USP40: variants seen among roughly 807,000 people sequenced by gnomAD.
The protein encoded by USP40 is ubiquitin specific peptidase 40.
Under a neutral mutation model 166.2 loss-of-function variants are expected in USP40, and 143 were observed. The ratio of observed to expected loss-of-function variants is 0.86; its 90% confidence interval spans 0.75 to 0.99. The LOEUF is 0.99. Ranked by LOEUF, USP40 falls within the 50% of genes least tolerant of loss-of-function variation. USP40 has a pLI of 0.00. For synonymous variants in USP40, 498 were observed against 524.0 expected (o/e 0.95, Z 0.68); for missense variants, 1,444 against 1,479.7 (o/e 0.98, Z 0.40).
chr2:233,494,955 T>TAATAAA (rs1559224337), intron 24 of USP40, among the ~76,000 whole-genome samples: 1 of 25,076 alleles, frequency 4.0e-5, no homozygotes, highest in African/African-American at 2.8e-4. Flanking sequence ...TATATATATA[T>TAATAAA]TTATATATAT....
intron 21 of USP40, among the ~76,000 whole-genome samples, chr2:233,502,986 G>A (rs2066180685): frequency 6.6e-6 from 1 of 152,162 alleles, no homozygotes; most frequent in African/African-American, 2.4e-5. Context: ...AAGGAAAGAT[G>A]ATATTCTGAA....
intron 19 of USP40, 141 bp from the exon 20 acceptor site, chr2:233,511,938 A>T (rs2066871160): frequency 1.6e-6 from 1 of 626,332 alleles, no homozygotes; most frequent in Admixed American, 3.2e-5. Context: ...CAAAAGGATT[A>T]CATGCACTAA....
chr2:233,518,237 C>G (rs1430086505), intron 18 of USP40, among the ~76,000 whole-genome samples: 2 of 85,718 alleles, frequency 2.3e-5, no homozygotes, highest in African/African-American at 4.9e-5. Context: ...CAAAACCAAA[C>G]CAGTAACAGA....
intron 6 of USP40, among the ~76,000 whole-genome samples, chr2:233,552,877 T>C (rs979843343): frequency 5.3e-5 from 8 of 152,234 alleles, no homozygotes; most frequent in Non-Finnish European, 1.2e-4. Flanking sequence ...ATAGGAATAG[T>C]GCTATCATAA....
At chr2:233,496,032 T>C (rs1288595901) in intron 24 of USP40, among the ~76,000 whole-genome samples, 1 of 152,236 alleles carries the variant, frequency 6.6e-6, no homozygotes, top group African/African-American at 2.4e-5. Context: ...ATGTTTTTCT[T>C]AGAAGGATAC....
intron 1 of USP40, among the ~76,000 whole-genome samples, chr2:233,566,108 C>T (rs910038376): frequency 1.2e-4 from 17 of 138,924 alleles, no homozygotes; most frequent in African/African-American, 4.2e-4. Flanking sequence ...TTTTAGAGCA[C>T]TTTAGTACAG....
At position 233,493,650 on chromosome 2, in the gene USP40, T is replaced by C. The variant is rs76073270; in HGVS notation, c.2791-99A>G. The C allele has an allele frequency of 2.2e-3, 2,871 of 1,288,214 alleles. 49 individuals carry two copies. In the African/African-American group the frequency reaches 0.036, roughly 16 times the overall value. The allele number at this position is 1,288,214 out of a possible 1,614,324, so 79.8% of individuals were successfully genotyped here. On this transcript the variant is annotated intron_variant, in intron 24 of 31. Transcript: ENST00000678225. The surrounding 1 kb of genome is among the most constrained non-coding windows in gnomAD (Gnocchi z 4.7). ...GAAACACCTTGATGACCTAAGATGT[T>C]CTTGAACTTATCATTTTTCCTTTTA...
At chr2:233,511,954 G>T in intron 19 of USP40, 157 bp from the exon 20 acceptor site, 2 of 572,716 alleles carry the variant, frequency 3.5e-6, no homozygotes, top group Non-Finnish European at 6.0e-6. Context: ...ACTAAGATTA[G>T]GTTTGATTTT....
At position 233,515,724 on chromosome 2, in the gene USP40, G is replaced by A. The variant is rs547891943; in HGVS notation, c.2384-3102C>T. On this transcript the variant is annotated intron_variant, in intron 18 of 31. Transcript: ENST00000678225. ...ATTAGGCTTTTCTTCCATGGTTTGT[G>A]CTTTTTGAGTCCTATCTTTAATACA... Among the ~76,000 whole-genome samples, 51 of 152,192 alleles carry A rather than the reference G, an allele frequency of 3.4e-4. No homozygotes were observed. In the South Asian group the frequency reaches 0.01, roughly 30 times the overall value.
intron 10 of USP40, among the ~76,000 whole-genome samples, chr2:233,534,548 T>G (rs7578898): frequency 0.79 from 120,387 of 152,074 alleles, 47,735 homozygotes; most frequent in East Asian, 0.87. Flanking sequence ...CTAATTTTTC[T>G]CTTGGAAAGA....
chr2:233,488,325 A>G (rs1158960484), intron 27 of USP40, 21 bp from the exon 28 acceptor site: 8 of 1,564,264 alleles, frequency 5.1e-6, no homozygotes, highest in East Asian at 2.3e-5. Context: ...GTGAAACAAG[A>G]TAATATTGAG....
At chr2:233,519,932 T>C (rs1020905058) in intron 17 of USP40, among the ~76,000 whole-genome samples, 1 of 152,110 alleles carries the variant, frequency 6.6e-6, no homozygotes, top group African/African-American at 2.4e-5. Flanking sequence ...ACAGAAACTG[T>C]AGAAAACTAC....
intron 2 of USP40, among the ~76,000 whole-genome samples, chr2:233,564,916 C>T (rs1244564243): frequency 1.3e-5 from 2 of 152,028 alleles, no homozygotes; most frequent in Non-Finnish European, 2.9e-5. Context: ...TTCAGAAATG[C>T]GTATGAACAA....
chr2:233,551,997 T>G (rs2070611241), intron 6 of USP40, among the ~76,000 whole-genome samples: 2 of 152,124 alleles, frequency 1.3e-5, no homozygotes, highest in South Asian at 4.1e-4. Context: ...TTCATGAGAC[T>G]TGCAAAAGGC....
intron 11 of USP40, among the ~76,000 whole-genome samples, chr2:233,532,581 T>G (rs1437221056): frequency 1.3e-5 from 2 of 152,192 alleles, no homozygotes; most frequent in African/African-American, 4.8e-5. Context: ...ATCTCTGCTT[T>G]TGGTCTTTTG....
chr2:233,556,937 T>G lies in USP40; in HGVS notation c.464A>C (p.His155Pro). 1 of 1,614,014 alleles carries G rather than the reference T, an allele frequency of 6.2e-7. No individual in the cohort carries two copies. Among genetic ancestry groups the G allele is most frequent in the Non-Finnish European group, 8.5e-7 (1 of 1,179,858 alleles). The change falls in exon 5 of 32, where the codon CAT becomes CCT. Residue 155 changes from histidine (H) to proline (P), a missense_variant. His to Pro is a moderately conservative substitution (Grantham distance 77, BLOSUM62 -2). Coordinates refer to ENST00000678225, the MANE Select transcript of USP40 (RefSeq NM_001365479.2). ...ATGGTACAGACGATAGATGAGGTCA[T>G]GACCGGAGGTCCCAACTAAAGAAGT... ...LETSLVGTSG[H>P]DLIYRLYHGT...
chr2:233,512,422 T>C (rs1178680932), intron 19 of USP40, 147 bp downstream of exon 19: 2 of 410,428 alleles, frequency 4.9e-6, no homozygotes, highest in East Asian at 7.7e-5. Flanking sequence ...ATTTCTGCAA[T>C]ATAAAGGTAA....
intron 11 of USP40, among the ~76,000 whole-genome samples, chr2:233,532,912 G>A (rs1183900969): frequency 6.6e-6 from 1 of 152,080 alleles, no homozygotes; most frequent in Non-Finnish European, 1.5e-5. Flanking sequence ...CTGGACGAGA[G>A]AGTGAGGCTG....
intron 24 of USP40, among the ~76,000 whole-genome samples, chr2:233,495,956 A>G (rs1365992358): frequency 2.0e-5 from 3 of 152,260 alleles, no homozygotes; most frequent in Non-Finnish European, 1.5e-5. Context: ...AACAAGTGTA[A>G]AACAATGTAG....
Sources: gnomAD v4.1 joint callset for allele counts (sites outside exome capture counted in the v4.1 genomes callset) on GRCh38, gnomAD v4.1.1 for gene constraint, Gnocchi (gnomAD v3.1) non-coding constraint, MANE v1.5 for transcripts, NCBI Gene and HGNC (gene_info 2026-07-23, HGNC 2026-07-21) for gene names.